MACROD2: variants seen among roughly 807,000 people sequenced by gnomAD.
The protein encoded by MACROD2 is ADP-ribose glycohydrolase MACROD2.
A neutral mutation model predicts 70.4 loss-of-function variants in MACROD2; 36 were observed. The ratio of observed to expected loss-of-function variants is 0.51; its 90% CI spans 0.39 to 0.68. The LOEUF (loss-of-function observed/expected upper bound fraction) is 0.68, where lower values mean the gene tolerates loss of function less well. Ranked by LOEUF, MACROD2 falls within the 30% of genes least tolerant of loss-of-function variation. The pLI is 0.00. For synonymous variants in MACROD2, 172 were observed against 178.8 expected (o/e 0.96, Z 0.30); for missense variants, 496 against 538.4 (o/e 0.92, Z 0.78).
intron 4 of MACROD2, among the ~76,000 whole-genome samples, chr20:14,677,332 C>T (rs1477204023): frequency 6.6e-6 from 1 of 152,186 alleles, no homozygotes; most frequent in Non-Finnish European, 1.5e-5. Flanking sequence ...AAAGTGACAA[C>T]AATTCCCCTC....
At chr20:15,146,767 G>T (rs901216090) in intron 5 of MACROD2, among the ~76,000 whole-genome samples, 3 of 152,098 alleles carry the variant, frequency 2.0e-5, no homozygotes, top group Admixed American at 1.3e-4. Flanking sequence ...AAAGGAAAAT[G>T]ATCTTTTGTT....
chr20:14,940,191 G>A (rs1025249370), intron 5 of MACROD2, among the ~76,000 whole-genome samples: 2 of 149,278 alleles, frequency 1.3e-5, no homozygotes, highest in East Asian at 3.9e-4. Flanking sequence ...AAAGTTAGCT[G>A]GGTGTGGTGG....
chr20:15,780,455 G>A (rs1039888398), intron 8 of MACROD2, among the ~76,000 whole-genome samples: 1 of 152,088 alleles, frequency 6.6e-6, no homozygotes, highest in African/African-American at 2.4e-5. Context: ...AAAGCTGAGT[G>A]GGGAACGGGA....
intron 5 of MACROD2, among the ~76,000 whole-genome samples, chr20:14,981,976 C>T (rs1318075304): frequency 2.0e-5 from 3 of 152,108 alleles, no homozygotes; most frequent in Non-Finnish European, 4.4e-5. Flanking sequence ...AAGTTTTGAA[C>T]TTCCTAGAGA....
intron 8 of MACROD2, among the ~76,000 whole-genome samples, chr20:15,671,924 T>C (rs984390829): frequency 1.3e-5 from 2 of 152,348 alleles, no homozygotes; most frequent in East Asian, 3.9e-4. Context: ...CCTTATCAAC[T>C]GAAAATATTG....
At chr20:14,264,389 G>C (rs1336154077) in intron 3 of MACROD2, among the ~76,000 whole-genome samples, 1 of 152,164 alleles carries the variant, frequency 6.6e-6, no homozygotes, top group Admixed American at 6.5e-5. Context: ...ATAAGCAGGG[G>C]TGATTTCTGT....
chr20:15,981,729 T>A (rs1397757569), intron 13 of MACROD2, among the ~76,000 whole-genome samples: 1 of 152,216 alleles, frequency 6.6e-6, no homozygotes, highest in Non-Finnish European at 1.5e-5. Context: ...TTAGGCTGTT[T>A]ATGCTAGGGT....
intron 5 of MACROD2, among the ~76,000 whole-genome samples, chr20:15,173,789 C>T (rs905489251): frequency 2.6e-5 from 4 of 152,140 alleles, no homozygotes; most frequent in Admixed American, 6.5e-5. Flanking sequence ...TTGAAGCACT[C>T]ATAAGGAGTC....
At chr20:15,439,430 C>T (rs1289045957) in intron 7 of MACROD2, among the ~76,000 whole-genome samples, 1 of 152,136 alleles carries the variant, frequency 6.6e-6, no homozygotes. Context: ...TGAGCATACC[C>T]ATTTCCTGGA....
chr20:15,387,361 TCTCCCTTTCTTCC>T (rs922701343), intron 6 of MACROD2, among the ~76,000 whole-genome samples: 40 of 124,820 alleles, frequency 3.2e-4, no homozygotes, highest in Non-Finnish European at 4.3e-4. Flanking sequence ...CTTCTATTCC[TCTCCCTTTCTTCC>T]CTCTCTTCCT....
chr20:15,136,421 A>G (rs1418729138), intron 5 of MACROD2, among the ~76,000 whole-genome samples: 1 of 152,164 alleles, frequency 6.6e-6, no homozygotes, highest in East Asian at 1.9e-4. Context: ...ATCTACAACT[A>G]TCTGATCTTT....
At chr20:14,025,028 A>G (rs1012820543) in intron 2 of MACROD2, among the ~76,000 whole-genome samples, 1 of 152,126 alleles carries the variant, frequency 6.6e-6, no homozygotes, top group Non-Finnish European at 1.5e-5. Context: ...TAGGCTATTA[A>G]TTACTGCCTC....
At chr20:15,890,752 C>G (rs1186059030) in intron 10 of MACROD2, among the ~76,000 whole-genome samples, 1 of 151,506 alleles carries the variant, frequency 6.6e-6, no homozygotes, top group East Asian at 1.9e-4. Flanking sequence ...TTTTTTTGTT[C>G]TGTTCCTTTT....
At chr20:15,673,765 G>A (rs1600740331) in intron 8 of MACROD2, among the ~76,000 whole-genome samples, 1 of 144,066 alleles carries the variant, frequency 6.9e-6, no homozygotes, top group Non-Finnish European at 1.5e-5. Flanking sequence ...TAGATTACTG[G>A]TTGCTCAGTA....
chr20:14,071,048 C>T (rs945621113), intron 2 of MACROD2, among the ~76,000 whole-genome samples: 3 of 151,962 alleles, frequency 2.0e-5, no homozygotes, highest in Non-Finnish European at 4.4e-5. Flanking sequence ...GTGATGATCC[C>T]TTAGCTGTTT....
At chr20:15,481,233 A>G (rs1824977191) in intron 7 of MACROD2, among the ~76,000 whole-genome samples, 2 of 152,248 alleles carry the variant, frequency 1.3e-5, no homozygotes, top group African/African-American at 4.8e-5. Context: ...GTCTGGGTTT[A>G]TCTGCACATG....
At chr20:15,600,240 G>A (rs570851775) in intron 8 of MACROD2, among the ~76,000 whole-genome samples, 11 of 151,958 alleles carry the variant, frequency 7.2e-5, no homozygotes, top group Non-Finnish European at 1.5e-4. Flanking sequence ...GCTTCCAGAA[G>A]TTCATTCTCA....
chr20:14,420,144 T>TTATATATATA (rs368804584), intron 3 of MACROD2, among the ~76,000 whole-genome samples: 175 of 148,212 alleles, frequency 1.2e-3, no homozygotes, highest in Non-Finnish European at 2.1e-3. Context: ...TCTGTCCTAA[T>TTATATATATA]TATATATATA....
intron 6 of MACROD2, among the ~76,000 whole-genome samples, chr20:15,378,105 C>T (rs964128835): frequency 1.1e-4 from 16 of 151,048 alleles, no homozygotes; most frequent in African/African-American, 3.7e-4. Flanking sequence ...CAAACCTGCA[C>T]GTTCTGCATA....
Sources: allele counts gnomAD v4.1 joint callset (sites outside exome capture counted in the v4.1 genomes callset), GRCh38; gene constraint gnomAD v4.1.1; transcripts MANE v1.5; gene names NCBI Gene and HGNC (gene_info 2026-07-23, HGNC 2026-07-21).